CACNA2D1: variants seen among roughly 807,000 people sequenced by gnomAD.
CACNA2D1 encodes voltage-dependent calcium channel subunit alpha-2/delta-1.
CACNA2D1 carries 53 observed loss-of-function variants against 171.5 expected under a neutral mutation model. The observed-to-expected ratio is 0.31, with a 90% CI of 0.25 to 0.39. The LOEUF (loss-of-function observed/expected upper bound fraction) is 0.39. Ranked by LOEUF, CACNA2D1 falls within the 10% of genes least tolerant of loss-of-function variation. The pLI is 1.00. For missense variants in CACNA2D1, 903 were observed against 1,299.8 expected (o/e 0.69, Z 4.69); for synonymous variants, 442 against 443.1 (o/e 1.00, Z 0.03).
At chr7:82,073,349 T>G (rs1451635597) in intron 7 of CACNA2D1, among the ~76,000 whole-genome samples, 1 of 152,194 alleles carries the variant, frequency 6.6e-6, no homozygotes, top group East Asian at 1.9e-4. Context: ...TTTATCCAGC[T>G]TAAAAAAATA....
At chr7:82,214,434 C>A (rs1221160258) in intron 3 of CACNA2D1, among the ~76,000 whole-genome samples, 1 of 150,072 alleles carries the variant, frequency 6.7e-6, no homozygotes, top group Non-Finnish European at 1.5e-5. Context: ...CAAGCCCATG[C>A]GCAAGGTGGC....
At chr7:82,147,761 C>A (rs927331001) in intron 4 of CACNA2D1, among the ~76,000 whole-genome samples, 3 of 152,154 alleles carry the variant, frequency 2.0e-5, no homozygotes, top group African/African-American at 7.2e-5. Context: ...TGAGGATTAA[C>A]ACTATGGTCA....
chr7:82,256,478 T>G (rs1806322296), intron 3 of CACNA2D1, among the ~76,000 whole-genome samples: 1 of 152,140 alleles, frequency 6.6e-6, no homozygotes, highest in African/African-American at 2.4e-5. Context: ...AAAATCACAT[T>G]AAGTTTGGCC....
At chr7:82,030,792 C>T (rs941773858) in intron 12 of CACNA2D1, among the ~76,000 whole-genome samples, 4 of 151,692 alleles carry the variant, frequency 2.6e-5, no homozygotes, top group African/African-American at 4.8e-5. Flanking sequence ...AAGTCCCTTC[C>T]AATTATCAGA....
chr7:82,192,747 TC>T (rs1473017835), intron 3 of CACNA2D1, among the ~76,000 whole-genome samples: 8 of 145,122 alleles, frequency 5.5e-5, no homozygotes, highest in African/African-American at 2.7e-5. Context: ...GAGCAGCTGT[TC>T]CTTTTTTTTT....
Position 82,170,218 on chromosome 7 carries a change from C to T in CACNA2D1, c.354+332G>A, listed in dbSNP as rs143283034. 6.9e-3 allele frequency among the ~76,000 whole-genome samples: 1,048 copies of T among 151,654 alleles called. 13 individuals are homozygous for T. Among genetic ancestry groups the T allele is most frequent in the African/African-American group, 0.023 (971 of 41,390 alleles). On this transcript the variant is annotated intron_variant, in intron 4 of 38. Coordinates refer to ENST00000356860, the MANE Select transcript of CACNA2D1 (RefSeq NM_000722.4). Reference sequence around the variant, plus strand: ...TTTCCAACTTGTATATTCATAATATCGACAAAAATTATTCAGATATTAAAA... The same window carrying T: ...TTTCCAACTTGTATATTCATAATATTGACAAAAATTATTCAGATATTAAAA...
intron 6 of CACNA2D1, among the ~76,000 whole-genome samples, chr7:82,089,497 T>C (rs1157258764): frequency 6.6e-6 from 1 of 152,196 alleles, no homozygotes; most frequent in Non-Finnish European, 1.5e-5. Context: ...TTGAGGCCTT[T>C]ATTCTGAACG....
At chr7:82,144,970 T>C (rs912374394) in intron 4 of CACNA2D1, among the ~76,000 whole-genome samples, 9 of 151,832 alleles carry the variant, frequency 5.9e-5, no homozygotes, top group Non-Finnish European at 1.2e-4. Context: ...TACGAATAAA[T>C]AAGCATTGAG....
chr7:82,096,808 T>C (rs1811924036), intron 6 of CACNA2D1, among the ~76,000 whole-genome samples: 1 of 151,964 alleles, frequency 6.6e-6, no homozygotes, highest in Non-Finnish European at 1.5e-5. Context: ...TCCAGCATCA[T>C]ATTTAATCAT....
At chr7:82,284,163 G>A (rs1278846773) in intron 3 of CACNA2D1, among the ~76,000 whole-genome samples, 1 of 147,732 alleles carries the variant, frequency 6.8e-6, no homozygotes, top group African/African-American at 2.5e-5. Flanking sequence ...CTGTACTCCA[G>A]CCTGGGCAAC....
chr7:82,037,713 T>C (rs1344413986), intron 11 of CACNA2D1, among the ~76,000 whole-genome samples: 3 of 152,184 alleles, frequency 2.0e-5, no homozygotes, highest in African/African-American at 7.2e-5. Flanking sequence ...AACCATTTGA[T>C]GATTGAAAGT....
chr7:81,970,796 T>A, intron 26 of CACNA2D1, 59 bp from the exon 27 acceptor site: 2 of 960,914 alleles, frequency 2.1e-6, no homozygotes, highest in Non-Finnish European at 3.4e-6. Context: ...AAAACAAAGT[T>A]AGGTGTTGGT....
chr7:82,136,612 A>G, intron 5 of CACNA2D1, 23 bp downstream of exon 5: 1 of 1,555,466 alleles, frequency 6.4e-7, no homozygotes, highest in East Asian at 2.3e-5. Context: ...CTTGGAATTT[A>G]ATGGAAAACA....
intron 15 of CACNA2D1, among the ~76,000 whole-genome samples, chr7:82,011,698 T>C (rs952067716): frequency 3.9e-5 from 6 of 152,172 alleles, no homozygotes; most frequent in Non-Finnish European, 7.4e-5. Context: ...TCTAATCGCA[T>C]GTACTCCTGA....
chr7:82,443,719 T>G lies in CACNA2D1; in HGVS notation c.-260A>C. 1 of 1,234,276 alleles carries G rather than the reference T, an allele frequency of 8.1e-7. No individual in the cohort carries two copies. The highest frequency in any genetic ancestry group is 1.0e-6 in the Non-Finnish European group (1 of 990,516). 76.5% of individuals were successfully genotyped at this position (1,234,276 alleles called of 1,614,324 possible). On this transcript the variant is annotated 5_prime_UTR_variant, in exon 1 of 39. It removes an upstream start codon present in the reference 5' UTR. Coordinates refer to ENST00000356860, the MANE Select transcript of CACNA2D1 (RefSeq NM_000722.4). Reference sequence around the variant, plus strand: ...CGCGGCCGCCTTGCCTCCGCCGCCATCAAGGGCGACTTTGGAAACAGACCT... The same window carrying G: ...CGCGGCCGCCTTGCCTCCGCCGCCAGCAAGGGCGACTTTGGAAACAGACCT...
In CACNA2D1 at chr7:82,073,420, TTAAC is replaced by T. The variant is rs1465150986; in HGVS notation, c.659-6900_659-6897del. On this transcript the variant is annotated intron_variant, in intron 7 of 38. Coordinates refer to ENST00000356860, the MANE Select transcript of CACNA2D1 (RefSeq NM_000722.4). ...TGATACGAGGCATACAAATATGTAATTAACTATTTCTCACTGCATAGATTGAAAT... is the reference window on the plus strand; with the variant it reads ...TGATACGAGGCATACAAATATGTAATTATTTCTCACTGCATAGATTGAAAT... Among the ~76,000 whole-genome samples the T allele has an allele frequency of 5.9e-5, 9 of 152,198 alleles. No homozygotes were observed. In the East Asian group the frequency reaches 1.3e-3, roughly 23 times the overall value.
intron 7 of CACNA2D1, among the ~76,000 whole-genome samples, chr7:82,079,608 C>T (rs1444866079): frequency 6.6e-6 from 1 of 151,546 alleles, no homozygotes; most frequent in Non-Finnish European, 1.5e-5. Flanking sequence ...AGGAGAATCG[C>T]TCGAACCCAG....
chr7:82,390,902 A>G (rs1473384148), intron 1 of CACNA2D1, among the ~76,000 whole-genome samples: 2 of 152,174 alleles, frequency 1.3e-5, no homozygotes, highest in Non-Finnish European at 2.9e-5. Flanking sequence ...TAGTAGCTCC[A>G]TTTACTAAGG....
intron 18 of CACNA2D1, among the ~76,000 whole-genome samples, chr7:82,000,036 G>A (rs773819459): frequency 1.3e-5 from 2 of 152,002 alleles, no homozygotes; most frequent in Admixed American, 6.6e-5. Flanking sequence ...CAAGGCAGGT[G>A]GATCACGAGG....
Sources: allele counts gnomAD v4.1 joint callset (sites outside exome capture counted in the v4.1 genomes callset), GRCh38; gene constraint gnomAD v4.1.1; transcripts MANE v1.5; gene names NCBI Gene and HGNC (gene_info 2026-07-23, HGNC 2026-07-21).